NVL: variants seen among roughly 807,000 people sequenced by gnomAD.
The protein encoded by NVL is nuclear VCP like.
NVL carries 84 observed loss-of-function variants against 110.2 expected under a neutral mutation model. The ratio of observed to expected loss-of-function variants is 0.76; its 90% confidence interval spans 0.64 to 0.91. NVL has a LOEUF of 0.91. Ranked by LOEUF, NVL falls within the 40% of genes least tolerant of loss-of-function variation. The probability of loss-of-function intolerance (pLI) is 0.00; values close to 1 mark genes in which losing one functional copy is unlikely to be tolerated. For missense variants in NVL, 882 were observed against 1,035.9 expected (o/e 0.85, Z 2.04); for synonymous variants, 354 against 361.1 (o/e 0.98, Z 0.22).
chr1:224,241,156 A>G (rs978741794), intron 19 of NVL, among the ~76,000 whole-genome samples: 2 of 152,210 alleles, frequency 1.3e-5, no homozygotes, highest in Non-Finnish European at 2.9e-5. Flanking sequence ...TTCATTAGCA[A>G]CATTACTTTC....
At chr1:224,240,491 G>C (rs577969273) in intron 19 of NVL, among the ~76,000 whole-genome samples, 2 of 152,028 alleles carry the variant, frequency 1.3e-5, no homozygotes, top group African/African-American at 2.4e-5. Context: ...GATTACAGGC[G>C]TGAGCCACAG....
intron 20 of NVL, 50 bp downstream of exon 20, chr1:224,236,456 G>T: frequency 7.2e-7 from 1 of 1,383,774 alleles, no homozygotes; most frequent in South Asian, 1.2e-5. Flanking sequence ...TTTTATAGAT[G>T]AGGAAATTGA....
chr1:224,289,703 C>T lies in NVL; in HGVS notation c.1356G>A (p.Arg452=). The part of the protein sequence containing the change: ...RILQTLCRKL[R]LPQAFDFCHL... ...GACAGAAATCAAAAGCTTGAGGAAGCCTCAGTTTTCTGCACAATGTTTGAA... is the reference window on the plus strand; with the variant it reads ...GACAGAAATCAAAAGCTTGAGGAAGTCTCAGTTTTCTGCACAATGTTTGAA... The change falls in exon 13 of 23, where the codon AGG becomes AGA. Residue 452 remains arginine, a synonymous_variant. Transcript: ENST00000281701. 1 of 1,614,010 alleles carries T rather than the reference C, an allele frequency of 6.2e-7. No individual in the cohort carries two copies. Among genetic ancestry groups the T allele is most frequent in the Non-Finnish European group, 8.5e-7 (1 of 1,179,948 alleles).
intron 16 of NVL, among the ~76,000 whole-genome samples, chr1:224,278,135 C>T (rs1571922642): frequency 6.6e-6 from 1 of 151,742 alleles, no homozygotes; most frequent in Admixed American, 6.6e-5. Flanking sequence ...GCCTGCTGGA[C>T]ATCTCCAGAT....
chr1:224,242,296 T>G (rs1357646136), intron 19 of NVL, among the ~76,000 whole-genome samples: 1 of 152,130 alleles, frequency 6.6e-6, no homozygotes, highest in Non-Finnish European at 1.5e-5. Context: ...GCTAAAATGG[T>G]AAATTTTATG....
At chr1:224,291,293 C>A (rs1333328969) in intron 12 of NVL, among the ~76,000 whole-genome samples, 2 of 152,160 alleles carry the variant, frequency 1.3e-5, no homozygotes, top group Non-Finnish European at 2.9e-5. Flanking sequence ...GCAACCTCCG[C>A]CTCCCAGGTT....
chr1:224,309,925 A>C (rs1669338951), intron 5 of NVL, among the ~76,000 whole-genome samples: 1 of 152,080 alleles, frequency 6.6e-6, no homozygotes, highest in Non-Finnish European at 1.5e-5. Flanking sequence ...GCTACTCAGG[A>C]GGCTGAGGCA....
chr1:224,273,289 T>C (rs368139464), intron 17 of NVL, among the ~76,000 whole-genome samples: 1 of 151,882 alleles, frequency 6.6e-6, no homozygotes, highest in East Asian at 1.9e-4. Context: ...AGCAGGCGCC[T>C]GTAATCTCAG....
At chr1:224,322,061 G>C (rs557882777) in intron 2 of NVL, among the ~76,000 whole-genome samples, 11 of 151,944 alleles carry the variant, frequency 7.2e-5, no homozygotes, top group Non-Finnish European at 1.6e-4. Context: ...GGCGGGGATA[G>C]AAACAATCTT....
In NVL at chr1:224,308,239, G is replaced by A. The variant is rs1216241937; in HGVS notation, c.367C>T (p.Leu123=). 6.2e-7 allele frequency: 1 copy of A among 1,610,596 alleles called. No individual in the cohort carries two copies. The highest frequency in any genetic ancestry group is 8.5e-7 in the Non-Finnish European group (1 of 1,178,872). The change falls in exon 6 of 23, where the codon CTG becomes TTG. Residue 123 remains leucine (L), a synonymous_variant. Transcript: ENST00000281701. ...TTTCCTTTCCGATATAAAGACAGCA[G>A]GGAACTGTTCATGTGATTTGCTGAC... ...PQSANHMNSS[L]LSLYRKGNPD...
rs148304914 is a variant in NVL, at chr1:224,247,172, T to C, written c.2289+3040A>G. Among the ~76,000 whole-genome samples the C allele has an allele frequency of 9.9e-5, 15 of 152,222 alleles. No homozygotes were observed. In the East Asian group the frequency reaches 2.9e-3, roughly 29 times the overall value. On this transcript the variant is annotated intron_variant, in intron 19 of 22. Transcript: ENST00000281701. ...TATATGCAACCAAAGCAGGGTTTCT[T>C]AACTTTGGCATTACTGACATTTTGA... is the stretch of plus-strand genomic sequence containing the variant.
intron 18 of NVL, among the ~76,000 whole-genome samples, chr1:224,258,959 A>G (rs1295025122): frequency 2.1e-5 from 3 of 144,970 alleles, no homozygotes; most frequent in East Asian, 4.1e-4. Context: ...CCTGGTTAAC[A>G]TGAGACCCTG....
In NVL at chr1:224,303,025, G is replaced by A. The variant is rs377152524; in HGVS notation, c.960+698C>T. 1.6e-5 allele frequency: 3 copies of A among 190,560 alleles called. No homozygotes were observed. In the South Asian group the frequency reaches 1.8e-4, roughly 12 times the overall value. The allele number at this position is 190,560 out of a possible 1,614,324, so 11.8% of individuals were successfully genotyped here. ...GATTGCACCATTGCACTCCAGCCTG[G>A]GTGACAGTGAAACTCTGTCTCAAAA... On this transcript the variant is annotated intron_variant, in intron 9 of 22. Coordinates refer to ENST00000281701, the MANE Select transcript of NVL (RefSeq NM_002533.4).
At chr1:224,306,757 C>T (rs1668962693) in intron 6 of NVL, among the ~76,000 whole-genome samples, 1 of 151,990 alleles carries the variant, frequency 6.6e-6, no homozygotes, top group South Asian at 2.1e-4. Flanking sequence ...GGCTTATGCC[C>T]AGGGGGTGGA....
At chr1:224,287,301 G>A (rs1666959539) in intron 14 of NVL, among the ~76,000 whole-genome samples, 1 of 152,026 alleles carries the variant, frequency 6.6e-6, no homozygotes. Context: ...AAGAGAAGTT[G>A]GTTAACGGGT....
intron 4 of NVL, 122 bp from the exon 5 acceptor site, chr1:224,311,979 G>A: frequency 1.5e-6 from 1 of 688,736 alleles, no homozygotes; most frequent in Non-Finnish European, 2.5e-6. Context: ...TCCAAACTCT[G>A]GAATCAGAGA....
At chr1:224,321,142 C>T (rs1419266873) in intron 2 of NVL, among the ~76,000 whole-genome samples, 2 of 151,974 alleles carry the variant, frequency 1.3e-5, no homozygotes, top group Non-Finnish European at 2.9e-5. Flanking sequence ...TTCCAGCCAT[C>T]TGGGGGCTGA....
chr1:224,255,228 C>T (rs1216650962), intron 18 of NVL, among the ~76,000 whole-genome samples: 4 of 131,988 alleles, frequency 3.0e-5, no homozygotes, highest in African/African-American at 5.8e-5. Context: ...CTCGCTCTGC[C>T]GTCCAGGCTG....
Position 224,317,867 on chromosome 1 carries a change from AT to A in NVL, c.184+10del, listed in dbSNP as rs368677113. On this transcript the variant is annotated intron_variant, in intron 3 of 22. Transcript: ENST00000281701. ...CTTTATTGATAATTTAGCTCTAACA[AT>A]AAGACTCACCTTTTTCTACCTGAAT... 7.0e-7 allele frequency: 1 copy of A among 1,438,678 alleles called. No homozygotes were observed. Among genetic ancestry groups the A allele is most frequent in the Non-Finnish European group, 9.2e-7 (1 of 1,092,328 alleles). The allele number at this position is 1,438,678 out of a possible 1,614,324, so 89.1% of individuals were successfully genotyped here.
Sources: allele counts gnomAD v4.1 joint callset (sites outside exome capture counted in the v4.1 genomes callset), GRCh38; gene constraint gnomAD v4.1.1; transcripts MANE v1.5; gene names NCBI Gene and HGNC (gene_info 2026-07-23, HGNC 2026-07-21).